ZBTB25: variants seen among roughly 807,000 people sequenced by gnomAD.
The protein encoded by ZBTB25 is zinc finger and BTB domain-containing protein 25.
In ZBTB25, 20 loss-of-function variants were observed where a neutral mutation model predicts 34.2. The observed-to-expected ratio is 0.58, with a 90% confidence interval of 0.41 to 0.85. ZBTB25 has a LOEUF of 0.85. Among genes scored for constraint, ZBTB25 ranks in the 40% least tolerant of loss-of-function variants. The pLI is 0.00. For synonymous variants in ZBTB25, 175 were observed against 186.4 expected (o/e 0.94, Z 0.50); for missense variants, 437 against 521.8 (o/e 0.84, Z 1.58).
At chr14:64,495,617 C>T (rs1479921753) in intron 1 of ZBTB25, among the ~76,000 whole-genome samples, 3 of 152,216 alleles carry the variant, frequency 2.0e-5, no homozygotes, top group Non-Finnish European at 4.4e-5. Flanking sequence ...CAGTTGCAGA[C>T]CTCAATCTAG....
At chr14:64,488,460 T>G (rs1190742683) in intron 2 of ZBTB25, among the ~76,000 whole-genome samples, 3 of 152,174 alleles carry the variant, frequency 2.0e-5, no homozygotes, top group African/African-American at 7.2e-5. Context: ...AACAGATACC[T>G]GTATGCCAAT....
rs1202638731 is a variant in ZBTB25 at position 64,484,378 on chromosome 14, C to T, written c.*2545G>A. Reference sequence around the variant, plus strand: ...CCCTTTAGCTATATACAAGGATTTCCTGTGTCAAAGAATAATGAGTGGGCC... The same window carrying T: ...CCCTTTAGCTATATACAAGGATTTCTTGTGTCAAAGAATAATGAGTGGGCC... On this transcript the variant is annotated 3_prime_UTR_variant, in exon 3 of 3. Transcript: ENST00000608382. The T allele has an allele frequency of 6.6e-6, 1 of 152,274 alleles. No individual in the cohort carries two copies. Among genetic ancestry groups the T allele is most frequent in the Non-Finnish European group, 1.5e-5 (1 of 68,134 alleles). The allele number at this position is 152,274 out of a possible 1,614,324, so 9.4% of individuals were successfully genotyped here.
At position 64,485,817 on chromosome 14, in the gene ZBTB25, G is replaced by T. The variant is rs934505948; in HGVS notation, c.*1106C>A. 2 of 985,188 alleles carry T rather than the reference G, an allele frequency of 2.0e-6. No individual in the cohort carries two copies. The highest frequency in any genetic ancestry group is 2.4e-6 in the Non-Finnish European group (2 of 829,860). The allele number at this position is 985,188 out of a possible 1,614,324, so 61.0% of individuals were successfully genotyped here. On this transcript the variant is annotated 3_prime_UTR_variant, in exon 3 of 3. Coordinates refer to ENST00000608382, the MANE Select transcript of ZBTB25 (RefSeq NM_006977.5). The stretch of plus-strand genomic sequence containing the variant: ...TCTCTTTCAACTCATGTAAACCTCT[G>T]GTCATAAAATCTCAAATTACTTTTT...
At chr14:64,491,573 G>T (rs1444278308) in intron 1 of ZBTB25, among the ~76,000 whole-genome samples, 1 of 152,158 alleles carries the variant, frequency 6.6e-6, no homozygotes, top group Non-Finnish European at 1.5e-5. Context: ...ACAACTGCGG[G>T]GAAGCCTATA....
chr14:64,457,459 CTTT>C (rs35789478), intron 2 of ZBTB25, among the ~76,000 whole-genome samples: 1 of 143,168 alleles, frequency 7.0e-6, no homozygotes, highest in Non-Finnish European at 1.5e-5. Context: ...TTTTCTTTTC[CTTT>C]TTTTTTTTTT....
rs77950124 is a variant in ZBTB25 at position 64,449,716 on chromosome 14, C to T, written c.174-78G>A. On this transcript the variant is annotated intron_variant, in intron 2 of 2. Coordinates refer to the ZBTB25 transcript ENST00000555220. ...ACTTCTATTAGAGCCCCATGCTTCGCAGCTTCAGCCTTGCGGTTTGATTCC... is the reference window on the plus strand; with the variant it reads ...ACTTCTATTAGAGCCCCATGCTTCGTAGCTTCAGCCTTGCGGTTTGATTCC... The T allele has an allele frequency of 5.9e-4, 847 of 1,441,096 alleles. 5 individuals carry two copies. In the East Asian group the frequency reaches 0.018, roughly 31 times the overall value. The allele number at this position is 1,441,096 out of a possible 1,614,324, so 89.3% of individuals were successfully genotyped here.
intron 2 of ZBTB25, among the ~76,000 whole-genome samples, chr14:64,463,999 C>T (rs184538421): frequency 3.9e-5 from 6 of 151,922 alleles, no homozygotes; most frequent in Admixed American, 2.6e-4. Context: ...CAGACCATTT[C>T]GATAGACGTG....
At chr14:64,488,106 G>GTTA in intron 2 of ZBTB25, 49 bp from the exon 3 acceptor site, 1 of 1,578,032 alleles carries the variant, frequency 6.3e-7, no homozygotes, top group South Asian at 1.2e-5. Flanking sequence ...CAACCTAGCT[G>GTTA]GCCTTTCAGT....
chr14:64,487,859 C>G lies in ZBTB25; in HGVS notation c.372G>C (p.Gln124His). The G allele has an allele frequency of 6.2e-7, 1 of 1,614,160 alleles. No individual in the cohort carries two copies. The highest frequency in any genetic ancestry group is 1.1e-5 in the South Asian group (1 of 91,086). Residue 124 changes from glutamine (Q) to histidine (H), a missense_variant, in exon 3 of 3, where the codon CAG becomes CAC. Transcript: ENST00000608382. ...MNQVFSPETV[Q>H]SSNLYGIQIS... ...TCTGAATGCCATATAAATTTGAGGA[C>G]TGCACAGTCTCTGGTGAGAACACTT...
Position 64,486,983 on chromosome 14 carries a change from C to CAAGT in ZBTB25, c.1244_1247dup (p.Pro417LeufsTer20), listed in dbSNP as rs773086607. ...TGAGCTCTGACTCTAAGGCACAAGG[C>CAAGT]AAGTCTAAGTGTTCTTGTGACAAGC... On this transcript the variant is annotated frameshift_variant, in exon 3 of 3. Coordinates refer to ENST00000608382, the MANE Select transcript of ZBTB25 (RefSeq NM_006977.5). LOFTEE classifies it high-confidence loss of function. 6.2e-7 allele frequency: 1 copy of CAAGT among 1,614,126 alleles called. No homozygotes were observed. The highest frequency in any genetic ancestry group is 8.5e-7 in the Non-Finnish European group (1 of 1,180,016).
chr14:64,453,967 C>T, intron 2 of ZBTB25: 1 of 737,546 alleles, frequency 1.4e-6, no homozygotes, highest in Non-Finnish European at 2.5e-6. Flanking sequence ...CTTCACTTCT[C>T]TGGGTGGCAG....
chr14:64,477,528 T>C (rs916580681), downstream of ZBTB25, among the ~76,000 whole-genome samples: 5 of 152,210 alleles, frequency 3.3e-5, no homozygotes, highest in Admixed American at 6.5e-5. Flanking sequence ...GAGAAGTGGT[T>C]AGCTAGGAAT....
At position 64,490,482 on chromosome 14, in the gene ZBTB25, G is replaced by T; in HGVS notation, c.52C>A (p.Arg18=). 3 of 1,613,532 alleles carry T rather than the reference G, an allele frequency of 1.9e-6. No individual in the cohort carries two copies. Among genetic ancestry groups the T allele is most frequent in the Non-Finnish European group, 2.5e-6 (3 of 1,179,690 alleles). Residue 18 remains arginine, a synonymous_variant, in exon 2 of 3, where the codon CGA becomes AGA. Coordinates refer to ENST00000608382, the MANE Select transcript of ZBTB25 (RefSeq NM_006977.5). The part of the protein sequence containing the change: ...LVLLQQLNMQ[R]EFGFLCDCTV... ...CAATCACACAGAAAACCAAATTCTC[G>T]CTGCATGTTCAGCTGCTGGAGAAGA...
upstream of ZBTB25, chr14:64,504,368 C>G (rs981467323): frequency 1.3e-5 from 2 of 150,824 alleles, no homozygotes; most frequent in African/African-American, 4.8e-5. Flanking sequence ...GCCCAACGGG[C>G]AGGGGTCTGA....
intron 2 of ZBTB25, chr14:64,469,847 A>G (rs946337337): frequency 1.3e-5 from 7 of 555,172 alleles, no homozygotes; most frequent in South Asian, 3.0e-5. Flanking sequence ...ATAAAACTCT[A>G]CCACTGAAAT....
At chr14:64,490,208 CAAAAAAAAA>C (rs61367816) in intron 2 of ZBTB25, among the ~76,000 whole-genome samples, 144 bp downstream of exon 2, 25 of 90,934 alleles carry the variant, frequency 2.7e-4, no homozygotes, top group Non-Finnish European at 3.9e-4. Context: ...ACTCTGTCGC[CAAAAAAAAA>C]AAAAAAAAAA....
At chr14:64,464,323 G>C (rs141992656) in intron 2 of ZBTB25, among the ~76,000 whole-genome samples, 1 of 152,116 alleles carries the variant, frequency 6.6e-6, no homozygotes, top group Admixed American at 6.5e-5. Flanking sequence ...GAGCTACTGC[G>C]CCCATCCCTG....
intron 2 of ZBTB25, chr14:64,467,148 A>C (rs1382272483): frequency 6.6e-6 from 1 of 152,200 alleles, no homozygotes; most frequent in African/African-American, 2.4e-5. Flanking sequence ...ATCCCCAAAC[A>C]ATTCATTTTC....
chr14:64,461,597 G>A (rs567643293), intron 2 of ZBTB25: 1 of 130,756 alleles, frequency 7.6e-6, no homozygotes, highest in African/African-American at 3.3e-5. Context: ...TTTTTGGCAG[G>A]GGGGGTAGGG....
Sources: gnomAD v4.1 joint callset for allele counts (sites outside exome capture counted in the v4.1 genomes callset) on GRCh38, gnomAD v4.1.1 for gene constraint, MANE v1.5 for transcripts, NCBI Gene and HGNC (gene_info 2026-07-23, HGNC 2026-07-21) for gene names.